The following TMEM131L variants were observed in gnomAD, a reference collection of about 807,000 sequenced individuals.
TMEM131L encodes transmembrane 131 like, also known as transmembrane protein 131-like.
In TMEM131L, 54 loss-of-function variants were observed where a neutral mutation model predicts 192.2. That is an observed-to-expected ratio of 0.28 (90% CI 0.23 to 0.35). The LOEUF is 0.35. Among genes scored for constraint, TMEM131L ranks in the 10% least tolerant of loss-of-function variants. TMEM131L has a pLI of 1.00. For missense variants in TMEM131L, 1,888 were observed against 1,972.9 expected, an observed-to-expected ratio of 0.96 and a Z score of 0.82; for synonymous variants, 701 against 704.9, an observed-to-expected ratio of 0.99 and a Z score of 0.09.
rs1406999511 is a variant in TMEM131L, at chr4:153,555,724, ATATG to A, written c.309-58_309-55del. On this transcript the variant is annotated intron_variant, in intron 4 of 34. Transcript: ENST00000409959. This position sits in a 1 kb window ranked among gnomAD's most constrained non-coding sequence, Gnocchi z 4.1. ...TGTGTATATATATAATAATACATAT[ATATG>A]TATGGTAATATTTATAACCACACAA... is the stretch of plus-strand genomic sequence containing the variant. 22 of 1,374,146 alleles carry A rather than the reference ATATG, an allele frequency of 1.6e-5. No individual in the cohort carries two copies. The highest frequency in any genetic ancestry group is 2.9e-5 in the African/African-American group (2 of 69,352). The allele number at this position is 1,374,146 out of a possible 1,614,324, so 85.1% of individuals were successfully genotyped here. A position where few individuals can be genotyped will look rare whatever the true frequency, so the allele number is the denominator to read the frequency against.
chr4:153,580,580 C>T (rs115220690), intron 7 of TMEM131L, among the ~76,000 whole-genome samples: 3,190 of 152,220 alleles, frequency 0.021, 78 homozygotes, highest in Middle Eastern at 0.085. Flanking sequence ...TTTCATGTTG[C>T]CCGAGGGAGA....
At position 153,604,042 on chromosome 4, in the gene TMEM131L, G is replaced by T. The variant is rs759341985; in HGVS notation, c.3030G>T (p.Leu1010=). The T allele has an allele frequency of 3.3e-5, 54 of 1,614,024 alleles. No individual in the cohort carries two copies. Among genetic ancestry groups the T allele is most frequent in the Non-Finnish European group, 4.5e-5 (53 of 1,180,034 alleles). Residue 1010 remains leucine, a synonymous_variant, in exon 25 of 35, where the codon CTG becomes CTT. Coordinates refer to ENST00000409959, the MANE Select transcript of TMEM131L (RefSeq NM_001131007.2). The part of the protein sequence containing the change: ...TTTEEKQTSP[L]GSSLPAAKED... ...CTGAGGAAAAACAGACTTCACCCCT[G>T]GGCAGCTCACTGCCTGCTGCTAAAG...
At position 153,607,839 on chromosome 4, in the gene TMEM131L, G is replaced by A. The variant is rs367961173; in HGVS notation, c.3418+3409G>A. On this transcript the variant is annotated intron_variant, in intron 25 of 34. Coordinates refer to ENST00000409959, the MANE Select transcript of TMEM131L (RefSeq NM_001131007.2). ...TAATATTTTGTAAGTAATAGAAAAT[G>A]TGTCATATTTGGGAGGCCGTGATGG... Among the ~76,000 whole-genome samples the A allele has an allele frequency of 6.6e-5, 10 of 152,338 alleles. No homozygotes were observed. The East Asian group carries it at 1.4e-3, about 21-fold the overall frequency.
chr4:153,495,175 C>T (rs1186375053), intron 3 of TMEM131L, among the ~76,000 whole-genome samples: 8 of 151,986 alleles, frequency 5.3e-5, no homozygotes, highest in African/African-American at 1.9e-4. Context: ...ATTAGCCGGG[C>T]GTGGTGGTAT....
intron 26 of TMEM131L, among the ~76,000 whole-genome samples, chr4:153,616,346 T>C (rs1732972997): frequency 6.6e-6 from 1 of 152,272 alleles, no homozygotes; most frequent in Admixed American, 6.5e-5. Context: ...ATTAATACTT[T>C]CCATTTCATT....
intron 7 of TMEM131L, among the ~76,000 whole-genome samples, chr4:153,567,690 A>G (rs1729316406): frequency 6.6e-6 from 1 of 152,026 alleles, no homozygotes; most frequent in African/African-American, 2.4e-5. Context: ...GATTACAGGC[A>G]CGCACCACCA....
intron 26 of TMEM131L, 59 bp from the exon 27 acceptor site, chr4:153,620,697 A>T: frequency 8.7e-7 from 1 of 1,152,100 alleles, no homozygotes; most frequent in Non-Finnish European, 1.2e-6. Context: ...TCAAACATTT[A>T]AACATGTTTT....
intron 14 of TMEM131L, 22 bp downstream of exon 14, chr4:153,586,401 G>A (rs1730702859): frequency 6.6e-7 from 1 of 1,522,204 alleles, no homozygotes; most frequent in Non-Finnish European, 8.8e-7. Context: ...AATACTATAT[G>A]TGTGTTACAG....
chr4:153,616,382 A>G (rs1732978448), intron 26 of TMEM131L, among the ~76,000 whole-genome samples: 1 of 152,200 alleles, frequency 6.6e-6, no homozygotes, highest in Non-Finnish European at 1.5e-5. Context: ...ATCATTCTTA[A>G]TAAGTACATT....
chr4:153,585,053 C>T (rs1730607634), intron 12 of TMEM131L, 122 bp downstream of exon 12: 1 of 761,418 alleles, frequency 1.3e-6, no homozygotes, highest in Non-Finnish European at 2.2e-6. Context: ...GGCCTTGCCT[C>T]CCCTTGCCTT....
intron 21 of TMEM131L, 40 bp downstream of exon 21, chr4:153,598,772 C>T: frequency 1.4e-6 from 2 of 1,469,634 alleles, no homozygotes; most frequent in South Asian, 1.5e-5. Flanking sequence ...GGGAGGTTGG[C>T]ATTAAAGCTG....
At chr4:153,478,379 CT>C (rs1731697428) in intron 3 of TMEM131L, among the ~76,000 whole-genome samples, 1 of 152,174 alleles carries the variant, frequency 6.6e-6, no homozygotes, top group Non-Finnish European at 1.5e-5. Flanking sequence ...CACCTTATTT[CT>C]TGCTACTTTG....
At chr4:153,547,488 A>G (rs1028897176) in intron 3 of TMEM131L, among the ~76,000 whole-genome samples, 1 of 152,236 alleles carries the variant, frequency 6.6e-6, no homozygotes, top group Admixed American at 6.5e-5. Flanking sequence ...CCTCTTAGTA[A>G]TATGAGCGAA....
At position 153,581,336 on chromosome 4, in the gene TMEM131L, C is replaced by T. The variant is rs1365190873; in HGVS notation, c.739-71C>T. On this transcript the variant is annotated intron_variant, in intron 8 of 34. Coordinates refer to ENST00000409959, the MANE Select transcript of TMEM131L (RefSeq NM_001131007.2). ...CCATTACGTTAAATGCTTCTCCTTT[C>T]CTCCATAGTTTGAAACCACAAAGTT... 20 of 1,258,222 alleles carry T rather than the reference C, an allele frequency of 1.6e-5. No homozygotes were observed. The East Asian group carries it at 4.9e-4, about 31-fold the overall frequency. 77.9% of individuals were successfully genotyped at this position (1,258,222 alleles called of 1,614,324 possible).
At chr4:153,483,480 T>G (rs1433887448) in intron 3 of TMEM131L, among the ~76,000 whole-genome samples, 2 of 152,076 alleles carry the variant, frequency 1.3e-5, no homozygotes, top group Admixed American at 6.5e-5. Context: ...AGGATCGGCT[T>G]GAGCTCAGGA....
intron 33 of TMEM131L, 108 bp downstream of exon 33, chr4:153,634,388 A>G: frequency 1.1e-6 from 1 of 896,756 alleles, no homozygotes; most frequent in Non-Finnish European, 1.8e-6. Flanking sequence ...AGACTTTGAG[A>G]ATGAGCTTGC....
intron 26 of TMEM131L, among the ~76,000 whole-genome samples, chr4:153,619,724 T>C (rs1417864005): frequency 2.0e-5 from 3 of 152,234 alleles, no homozygotes; most frequent in Admixed American, 1.3e-4. Flanking sequence ...TTATTCGTGT[T>C]AGTTGAGTGT....
chr4:153,476,876 A>G (rs910482593), intron 3 of TMEM131L, among the ~76,000 whole-genome samples: 2 of 152,228 alleles, frequency 1.3e-5, no homozygotes, highest in African/African-American at 4.8e-5. Context: ...AATTTATTTT[A>G]AAAAGGGATT....
At chr4:153,475,804 G>A (rs1731490239) in intron 3 of TMEM131L, among the ~76,000 whole-genome samples, 1 of 152,140 alleles carries the variant, frequency 6.6e-6, no homozygotes, top group Non-Finnish European at 1.5e-5. Context: ...ACCTAGAGAT[G>A]ATTTAAAGTA....
Sources: allele counts gnomAD v4.1 joint callset (sites outside exome capture counted in the v4.1 genomes callset), GRCh38; gene constraint gnomAD v4.1.1; non-coding constraint Gnocchi (gnomAD v3.1); transcripts MANE v1.5; gene names NCBI Gene and HGNC (gene_info 2026-07-23, HGNC 2026-07-21).